Variants in ZNF326 observed in about 807,000 individuals in gnomAD.
ZNF326 encodes the protein DBIRD complex subunit ZNF326.
Under a neutral mutation model 63.1 loss-of-function variants are expected in ZNF326, and 30 were observed. The observed-to-expected ratio is 0.48, with a 90% CI of 0.36 to 0.64. ZNF326 has a LOEUF of 0.64. Among genes scored for constraint, ZNF326 ranks in the 30% least tolerant of loss-of-function variants. The pLI, the probability that ZNF326 is intolerant of heterozygous loss-of-function variation, is 0.00. For synonymous variants in ZNF326, 194 were observed against 228.2 expected (o/e 0.85, Z 1.35); for missense variants, 609 against 720.3 (o/e 0.85, Z 1.77).
intron 10 of ZNF326, among the ~76,000 whole-genome samples, chr1:90,021,232 T>G (rs937806578): frequency 3.3e-5 from 5 of 152,184 alleles, no homozygotes; most frequent in Admixed American, 2.6e-4. Context: ...AAGAATTAAA[T>G]TAATTAAAAC....
chr1:90,010,196 A>C lies in ZNF326; in HGVS notation c.724A>C (p.Met242Leu). 1 of 1,613,958 alleles carries C rather than the reference A, an allele frequency of 6.2e-7. No homozygotes were observed. Among genetic ancestry groups the C allele is most frequent in the Non-Finnish European group, 8.5e-7 (1 of 1,179,882 alleles). ...TGCAAGAGGAATAAAGAGAAAAATG[A>C]TGCAGCCATTTAATAAGCCCAGTGG... ...AAARGIKRKM[M>L]QPFNKPSGTF... The change falls in exon 6 of 12, where the codon ATG becomes CTG. Residue 242 changes from methionine to leucine, a missense_variant. Physicochemically the swap from Met to Leu is conservative, Grantham distance 15. Transcript: ENST00000340281.
chr1:90,026,210 G>A (rs1440087077), intron 11 of ZNF326, among the ~76,000 whole-genome samples: 5 of 152,140 alleles, frequency 3.3e-5, no homozygotes, highest in African/African-American at 1.2e-4. Flanking sequence ...TGATCCACCC[G>A]CCTCAGCCTT....
At chr1:89,999,812 ATATT>A (rs1648578750) in intron 2 of ZNF326, among the ~76,000 whole-genome samples, 2 of 152,306 alleles carry the variant, frequency 1.3e-5, no homozygotes, top group South Asian at 2.1e-4. Flanking sequence ...TGTTCAGCAA[ATATT>A]TATTTAGTGC....
intron 2 of ZNF326, among the ~76,000 whole-genome samples, chr1:90,003,899 A>T (rs1648822440): frequency 1.3e-5 from 2 of 152,146 alleles, no homozygotes; most frequent in Non-Finnish European, 2.9e-5. Flanking sequence ...TTGGGACTAG[A>T]GATATTATAT....
In ZNF326 at chr1:90,007,213, A is replaced by G. The variant is rs537467514; in HGVS notation, c.210-132A>G. On this transcript the variant is annotated intron_variant, in intron 4 of 11. Coordinates refer to ENST00000340281, the MANE Select transcript of ZNF326 (RefSeq NM_182976.4). This position sits in a 1 kb window ranked among gnomAD's most constrained non-coding sequence, Gnocchi z 4.9. ...CCAGCCCTAATCAAATGTGAACAAA[A>G]GTAGAACTGTGCAAACCAGTATGGT... 1.1e-6 allele frequency: 1 copy of G among 895,070 alleles called. No individual in the cohort carries two copies. Among genetic ancestry groups the G allele is most frequent in the South Asian group, 1.9e-5 (1 of 53,754 alleles). 55.4% of individuals were successfully genotyped at this position (895,070 alleles called of 1,614,324 possible). A position where few individuals can be genotyped will look rare whatever the true frequency, so the allele number is the denominator to read the frequency against.
chr1:89,997,741 G>A (rs961765723), intron 1 of ZNF326, among the ~76,000 whole-genome samples: 4 of 152,142 alleles, frequency 2.6e-5, no homozygotes, highest in African/African-American at 7.2e-5. Context: ...TTCATGTTAC[G>A]TACAATTCTC....
chr1:90,015,362 T>C (rs190868852), intron 7 of ZNF326, among the ~76,000 whole-genome samples: 67 of 152,246 alleles, frequency 4.4e-4, no homozygotes, highest in African/African-American at 1.5e-3. Context: ...TACAATGTAG[T>C]CTCATGAGAT....
intron 2 of ZNF326, among the ~76,000 whole-genome samples, chr1:90,004,103 TTTTG>T (rs1648838350): frequency 6.6e-6 from 1 of 152,170 alleles, no homozygotes; most frequent in South Asian, 2.1e-4. Flanking sequence ...TTGTTACCTC[TTTTG>T]TTTTATTTTT....
intron 8 of ZNF326, among the ~76,000 whole-genome samples, chr1:90,018,019 C>G (rs1212157939): frequency 6.6e-6 from 1 of 152,122 alleles, no homozygotes; most frequent in Non-Finnish European, 1.5e-5. Flanking sequence ...TCAGGCCGGG[C>G]GCAGTGGCTC....
Position 90,013,211 on chromosome 1 carries a change from C to T in ZNF326, c.900C>T (p.Asn300=). ...REKQRRRREK[N]SEKYGDGYRM... is the part of the protein sequence containing the mutation. ...AACAAAGGCGCAGAAGAGAAAAAAA[C>T]AGTGAGAAATACGGAGATGGATACA... is the stretch of plus-strand genomic sequence containing the variant. The change falls in exon 7 of 12, where the codon AAC becomes AAT. Residue 300 remains asparagine (N), a synonymous_variant. Transcript: ENST00000340281. The T allele has an allele frequency of 6.2e-6, 10 of 1,608,818 alleles. No individual in the cohort carries two copies. Among genetic ancestry groups the T allele is most frequent in the Non-Finnish European group, 7.6e-6 (9 of 1,177,446 alleles).
chr1:90,002,230 CAG>C (rs905145996), intron 2 of ZNF326, among the ~76,000 whole-genome samples: 2 of 152,082 alleles, frequency 1.3e-5, no homozygotes, highest in Non-Finnish European at 1.5e-5. Flanking sequence ...AACAATCAAA[CAG>C]AATCATTGCT....
intron 11 of ZNF326, among the ~76,000 whole-genome samples, chr1:90,024,291 T>C (rs1404587336): frequency 6.6e-6 from 1 of 152,202 alleles, no homozygotes; most frequent in African/African-American, 2.4e-5. Context: ...AGTACATCAA[T>C]TTCTCTTAAT....
At chr1:90,005,311 T>G in intron 4 of ZNF326, 67 bp downstream of exon 4, 2 of 1,562,380 alleles carry the variant, frequency 1.3e-6, no homozygotes, top group Non-Finnish European at 8.6e-7. Context: ...TTATTTTAAG[T>G]ACTCTTTAGG....
rs184224416 is a variant in ZNF326 at position 90,001,635 on chromosome 1, C to G, written c.62-3368C>G. On this transcript the variant is annotated intron_variant, in intron 2 of 11. Transcript: ENST00000340281. ...ATGGTGTGATCTCAGCTCACTGCAACTTCCGCCTCCTGGGTTCAAGCAATT... is the reference window on the plus strand; with the variant it reads ...ATGGTGTGATCTCAGCTCACTGCAAGTTCCGCCTCCTGGGTTCAAGCAATT... Among the ~76,000 whole-genome samples, 3 of 151,036 alleles carry G rather than the reference C, an allele frequency of 2.0e-5. No homozygotes were observed. The East Asian group carries it at 5.9e-4, about 30-fold the overall frequency.
At position 90,007,784 on chromosome 1, in the gene ZNF326, A is replaced by C. The variant is rs762664015; in HGVS notation, c.615+34A>C. 6.8e-7 allele frequency: 1 copy of C among 1,475,244 alleles called. No homozygotes were observed. The highest frequency in any genetic ancestry group is 9.0e-7 in the Non-Finnish European group (1 of 1,110,520). 91.4% of individuals were successfully genotyped at this position (1,475,244 alleles called of 1,614,324 possible). A position where few individuals can be genotyped will look rare whatever the true frequency, so the allele number is the denominator to read the frequency against. ...AACAGAATCTTTTCAGATTCTTTTCACTAGTCACTCTTTTAAACCCTTTCA... is the reference window on the plus strand; with the variant it reads ...AACAGAATCTTTTCAGATTCTTTTCCCTAGTCACTCTTTTAAACCCTTTCA... On this transcript the variant is annotated intron_variant, in intron 5 of 11. Coordinates refer to ENST00000340281, the MANE Select transcript of ZNF326 (RefSeq NM_182976.4). This position sits in a 1 kb window ranked among gnomAD's most constrained non-coding sequence, Gnocchi z 4.9.
At position 90,005,259 on chromosome 1, in the gene ZNF326, C is replaced by T. The variant is rs749926101; in HGVS notation, c.209+15C>T. ...GGGGGTAGCAGGTAAATTGCTTAAT[C>T]ATTTGGCCAAATAATTAGACAACTA... is the stretch of plus-strand genomic sequence containing the variant. On this transcript the variant is annotated intron_variant, in intron 4 of 11. Transcript: ENST00000340281. 5 of 1,603,358 alleles carry T rather than the reference C, an allele frequency of 3.1e-6. No individual in the cohort carries two copies. Among genetic ancestry groups the T allele is most frequent in the Non-Finnish European group, 8.5e-7 (1 of 1,177,002 alleles).
chr1:90,010,162 A>C lies in ZNF326; in HGVS notation c.690A>C (p.Thr230=). ...VDYQNKSTNV[T]VAAARGIKRK... ...ATCAAAACAAATCCACCAATGTGAC[A>C]GTTGCTGCTGCAAGAGGAATAAAGA... The change falls in exon 6 of 12, where the codon ACA becomes ACC. Residue 230 remains threonine (T), a synonymous_variant. Transcript: ENST00000340281. 2 of 1,613,918 alleles carry C rather than the reference A, an allele frequency of 1.2e-6. No homozygotes were observed. Among genetic ancestry groups the C allele is most frequent in the Non-Finnish European group, 1.7e-6 (2 of 1,179,852 alleles).
chr1:90,003,045 A>G lies in ZNF326; in HGVS notation c.62-1958A>G, dbSNP rs568302725. Among the ~76,000 whole-genome samples, 40 of 152,248 alleles carry G rather than the reference A, an allele frequency of 2.6e-4. No homozygotes were observed. The East Asian group carries it at 6.6e-3, about 25-fold the overall frequency. On this transcript the variant is annotated intron_variant, in intron 2 of 11. Coordinates refer to ENST00000340281, the MANE Select transcript of ZNF326 (RefSeq NM_182976.4). ...GTAGATACAACTTTTAAAAAATTCTAATGTTCACTTGAAAGCATGAATTTT... is the reference window on the plus strand; with the variant it reads ...GTAGATACAACTTTTAAAAAATTCTGATGTTCACTTGAAAGCATGAATTTT...
rs747747804 is a variant in ZNF326, at chr1:90,007,328, CTG to C, written c.210-14_210-13del. ...AAGCTTACTTTTGTTTTTTCCCTCA[CTG>C]TGCAACTTTTCCAGGTTTGGACCTT... On this transcript the variant is annotated splice_polypyrimidine_tract_variant and intron_variant, in intron 4 of 11. Transcript: ENST00000340281. The surrounding 1 kb of genome is among the most constrained non-coding windows in gnomAD (Gnocchi z 4.9). 1.0e-5 allele frequency: 16 copies of C among 1,564,554 alleles called. No individual in the cohort carries two copies. Among genetic ancestry groups the C allele is most frequent in the Non-Finnish European group, 1.2e-5 (14 of 1,155,952 alleles).
Sources: allele counts gnomAD v4.1 joint callset (sites outside exome capture counted in the v4.1 genomes callset), GRCh38; gene constraint gnomAD v4.1.1; non-coding constraint Gnocchi (gnomAD v3.1); transcripts MANE v1.5; gene names NCBI Gene and HGNC (gene_info 2026-07-23, HGNC 2026-07-21).